PRH1: variants seen among roughly 807,000 people sequenced by gnomAD.
PRH1 encodes salivary acidic proline-rich phosphoprotein 1/2.
In PRH1, 7 loss-of-function variants were observed where a neutral mutation model predicts 7.9. The observed-to-expected ratio is 0.89, with a 90% CI of 0.50 to 1.67. The LOEUF (loss-of-function observed/expected upper bound fraction) is 1.67. Ranked by LOEUF, PRH1 falls within the 40% of genes most tolerant of loss-of-function variation. The probability of loss-of-function intolerance (pLI) is 0.00; values close to 1 mark genes in which losing one functional copy is unlikely to be tolerated. For missense variants in PRH1, 109 were observed against 223.6 expected (o/e 0.49, Z 3.27); for synonymous variants, 45 against 80.8 (o/e 0.56, Z 2.38).
At chr12:11,119,919 G>A (rs768144161), downstream of PRH1, among the ~76,000 whole-genome samples, 25 of 152,272 alleles carry the variant, frequency 1.6e-4, no homozygotes, top group Middle Eastern at 0.014. Flanking sequence ...TTTATGGACT[G>A]GCTATTTGTT....
At chr12:11,071,356 T>A (rs1270831139) in intron 1 of PRH1, among the ~76,000 whole-genome samples, 1 of 151,998 alleles carries the variant, frequency 6.6e-6, no homozygotes, top group Non-Finnish European at 1.5e-5. Flanking sequence ...AGTGCAGGGG[T>A]TCAGTCAGAA....
rs182560718 is a variant in PRH1 at position 11,026,376 on chromosome 12, T to C, written c.-126+20644A>G. Among the ~76,000 whole-genome samples, 50 of 148,230 alleles carry C rather than the reference T, an allele frequency of 3.4e-4. 1 individual carries two copies. In the Admixed American group the frequency reaches 3.4e-3, roughly 10 times the overall value. On this transcript the variant is annotated intron_variant, in intron 1 of 3. Coordinates refer to the PRH1 transcript ENST00000539853. ...AGATACTACCTAGAGCTTCGGCTCA[T>C]GTCCATTCCAAGGTGGAGCTAATCA...
At chr12:11,021,120 T>G (rs1028759754) in intron 1 of PRH1, among the ~76,000 whole-genome samples, 1 of 37,248 alleles carries the variant, frequency 2.7e-5, no homozygotes, top group Non-Finnish European at 8.7e-5. Flanking sequence ...CCAATTTTAT[T>G]GTGTGCATCA....
At chr12:11,109,986 G>A (rs1180773715) in intron 1 of PRH1, among the ~76,000 whole-genome samples, 1 of 152,038 alleles carries the variant, frequency 6.6e-6, no homozygotes, top group Non-Finnish European at 1.5e-5. Flanking sequence ...TGACCTGATG[G>A]AGCTGAAAAG....
At chr12:10,938,066 C>T (rs941442572) in intron 2 of PRH1, 10 of 488,672 alleles carry the variant, frequency 2.0e-5, no homozygotes, top group South Asian at 1.2e-4. Context: ...TTATAGTATT[C>T]GCATTCTTCT....
intron 1 of PRH1, among the ~76,000 whole-genome samples, chr12:11,131,854 T>C (rs1217294111): frequency 6.6e-6 from 1 of 152,254 alleles, no homozygotes; most frequent in Non-Finnish European, 1.5e-5. Context: ...TTCATTGGTT[T>C]ACCACATCAG....
intron 1 of PRH1, among the ~76,000 whole-genome samples, chr12:11,054,328 A>C (rs1236855697): frequency 6.6e-6 from 1 of 152,216 alleles, no homozygotes; most frequent in Non-Finnish European, 1.5e-5. Context: ...ATGAACTTAC[A>C]CAAATACTCT....
intron 1 of PRH1, among the ~76,000 whole-genome samples, chr12:11,060,851 CTT>C (rs1565607267): frequency 2.0e-5 from 3 of 152,238 alleles, no homozygotes; most frequent in Non-Finnish European, 2.9e-5. Flanking sequence ...AAGACACATC[CTT>C]ATTATTGATT....
At chr12:10,938,662 G>C (rs753516210) in intron 2 of PRH1, 15 of 1,613,788 alleles carry the variant, frequency 9.3e-6, no homozygotes, top group African/African-American at 1.3e-5. Flanking sequence ...ACACAGTGCT[G>C]GTTAATACAA....
At position 11,096,794 on chromosome 12, in the gene PRH1, T is replaced by TG. The variant is rs554096419; in HGVS notation, n.124-49607_124-49606insC. Among the ~76,000 whole-genome samples, 669 of 113,664 alleles carry TG rather than the reference T, an allele frequency of 5.9e-3. 160 individuals carry two copies. Among genetic ancestry groups the TG allele is most frequent in the African/African-American group, 0.018 (616 of 33,960 alleles). 74.6% of individuals were successfully genotyped at this position (113,664 alleles called of 152,430 possible). A position where few individuals can be genotyped will look rare whatever the true frequency, so the allele number is the denominator to read the frequency against. Reference sequence around the variant, plus strand: ...TAAATTTTATGCGGTTTTTGTTTTTTTTGTTGTTGTTGTTGTTGTTTTTGA... The same window carrying TG: ...TAAATTTTATGCGGTTTTTGTTTTTTGTTGTTGTTGTTGTTGTTGTTTTTGA... On this transcript the variant is annotated intron_variant and non_coding_transcript_variant, in intron 1 of 4. Coordinates refer to the PRH1 transcript ENST00000541977.
At chr12:11,144,370 G>A (rs1303591206) in intron 1 of PRH1, among the ~76,000 whole-genome samples, 1 of 151,990 alleles carries the variant, frequency 6.6e-6, no homozygotes, top group Non-Finnish European at 1.5e-5. Context: ...GGAAAGTGGG[G>A]GAAAGCCAAC....
At chr12:10,982,805 G>A (rs574165495) in intron 1 of PRH1, among the ~76,000 whole-genome samples, 52 of 151,998 alleles carry the variant, frequency 3.4e-4, no homozygotes, top group Non-Finnish European at 5.9e-4. Flanking sequence ...GTTTATAGGG[G>A]TCCAATGCTT....
chr12:10,992,140 A>T (rs1222114870), intron 1 of PRH1, among the ~76,000 whole-genome samples: 1 of 152,174 alleles, frequency 6.6e-6, no homozygotes, highest in Non-Finnish European at 1.5e-5. Flanking sequence ...GCAGAGTTCA[A>T]TGATTGAAGG....
rs1939497198 is a variant in PRH1 at position 10,984,218 on chromosome 12, A to T, written c.-125-10497T>A. ...AATCTTTTATATTGATGTGCTTTTT[A>T]AAATGTATCACAATAGGTACAAGCT... is the stretch of plus-strand genomic sequence containing the variant. On this transcript the variant is annotated intron_variant, in intron 1 of 3. Coordinates refer to the PRH1 transcript ENST00000539853. 3.9e-5 allele frequency among the ~76,000 whole-genome samples: 6 copies of T among 152,164 alleles called. No homozygotes were observed. The South Asian group carries it at 1.2e-3, about 32-fold the overall frequency.
intron 1 of PRH1, among the ~76,000 whole-genome samples, chr12:10,979,464 T>C (rs184493272): frequency 2.6e-5 from 4 of 152,226 alleles, no homozygotes; most frequent in African/African-American, 7.2e-5. Flanking sequence ...CCAATGTTGC[T>C]AGCATGGGAT....
At chr12:11,010,937 A>G (rs1941041937) in intron 1 of PRH1, among the ~76,000 whole-genome samples, 1 of 151,984 alleles carries the variant, frequency 6.6e-6, no homozygotes, top group Non-Finnish European at 1.5e-5. Flanking sequence ...GAGCAGGTGT[A>G]ATTATACTAC....
chr12:10,900,019 T>C (rs1949702162), intron 2 of PRH1, among the ~76,000 whole-genome samples: 1 of 152,198 alleles, frequency 6.6e-6, no homozygotes, highest in Non-Finnish European at 1.5e-5. Context: ...CATAAATTTT[T>C]CAACAAAGTC....
chr12:11,014,415 T>C (rs957678207), intron 1 of PRH1, among the ~76,000 whole-genome samples: 15 of 152,002 alleles, frequency 9.9e-5, no homozygotes, highest in African/African-American at 1.2e-4. Flanking sequence ...CTTGGGAACA[T>C]AGACTCTCTG....
intron 1 of PRH1, among the ~76,000 whole-genome samples, chr12:11,072,404 C>A (rs1224039074): frequency 6.6e-6 from 1 of 152,158 alleles, no homozygotes; most frequent in Non-Finnish European, 1.5e-5. Flanking sequence ...TTGAAATGGA[C>A]AAACATGGCA....
Sources: gnomAD v4.1 joint callset for allele counts (sites outside exome capture counted in the v4.1 genomes callset) on GRCh38, gnomAD v4.1.1 for gene constraint, MANE v1.5 for transcripts, NCBI Gene and HGNC (gene_info 2026-07-23, HGNC 2026-07-21) for gene names.